BBX: variants seen among roughly 807,000 people sequenced by gnomAD.
BBX encodes the protein HMG box transcription factor BBX.
BBX carries 30 observed loss-of-function variants against 100.2 expected under a neutral mutation model. That is an observed-to-expected ratio of 0.30 (90% CI 0.22 to 0.41). The LOEUF (loss-of-function observed/expected upper bound fraction) is 0.41, where lower values mean the gene tolerates loss of function less well. Among genes scored for constraint, BBX ranks in the 10% least tolerant of loss-of-function variants. BBX has a pLI of 1.00. For synonymous variants in BBX, 376 were observed against 388.1 expected (o/e 0.97, Z 0.37); for missense variants, 1,023 against 1,129.8 (o/e 0.91, Z 1.35).
chr3:107,766,091 C>T (rs2066372900), intron 10 of BBX, among the ~76,000 whole-genome samples: 1 of 151,912 alleles, frequency 6.6e-6, no homozygotes, highest in South Asian at 2.1e-4. Flanking sequence ...ATACTTTTGA[C>T]GTAAGGAAGA....
chr3:107,791,299 G>C lies in BBX; in HGVS notation c.2353G>C (p.Ala785Pro), dbSNP rs763206118. 8.1e-6 allele frequency: 13 copies of C among 1,610,984 alleles called. No individual in the cohort carries two copies. Among genetic ancestry groups the C allele is most frequent in the Non-Finnish European group, 1.0e-5 (12 of 1,177,698 alleles). ...CTTGGATGCCATTCACCCTACAGAAGGTAAGACAAGCAATGTTATTTAATT... is the reference window on the plus strand; with the variant it reads ...CTTGGATGCCATTCACCCTACAGAACGTAAGACAAGCAATGTTATTTAATT... Reference protein sequence around the residue: ...LFLDAIHPTEAIFSEDRNTME... With the variant: ...LFLDAIHPTEPIFSEDRNTME... The change falls in exon 15 of 18, where the codon GCC (alanine) becomes CCC (proline). Residue 785 changes from alanine to proline, a missense_variant and splice_region_variant. Physicochemically the swap from Ala to Pro is conservative, Grantham distance 27 (BLOSUM62 -1). This residue lies in a region of BBX where 215 missense variants were observed against 211.3 expected (regional missense o/e 1.02). Coordinates refer to ENST00000325805, the MANE Select transcript of BBX (RefSeq NM_001142568.3).
intron 7 of BBX, among the ~76,000 whole-genome samples, chr3:107,744,388 C>G (rs1353125725): frequency 6.6e-6 from 1 of 152,026 alleles, no homozygotes; most frequent in Non-Finnish European, 1.5e-5. Flanking sequence ...TCTAAGCTTC[C>G]TATGACTTTT....
chr3:107,697,674 G>A (rs1380087337), intron 3 of BBX, among the ~76,000 whole-genome samples: 1 of 151,880 alleles, frequency 6.6e-6, no homozygotes, highest in Non-Finnish European at 1.5e-5. Context: ...TGCCCCCAGA[G>A]GTGGAGCCTA....
At chr3:107,633,097 G>A (rs1346011201) in intron 2 of BBX, among the ~76,000 whole-genome samples, 1 of 152,008 alleles carries the variant, frequency 6.6e-6, no homozygotes, top group East Asian at 1.9e-4. Context: ...GCTATTGTTA[G>A]CTCTGTTCTT....
intron 2 of BBX, among the ~76,000 whole-genome samples, chr3:107,613,129 T>A (rs1269406157): frequency 6.6e-6 from 1 of 151,534 alleles, no homozygotes; most frequent in African/African-American, 2.4e-5. Flanking sequence ...CAAGCCTGGG[T>A]CTTAGTCTGT....
intron 2 of BBX, among the ~76,000 whole-genome samples, chr3:107,566,556 GT>G (rs34151023): frequency 0.26 from 34,611 of 130,778 alleles, 4,695 homozygotes; most frequent in South Asian, 0.4. Context: ...TACCTTTTTT[GT>G]TTTTTTTTTT....
At chr3:107,634,146 AG>A (rs2056718608) in intron 2 of BBX, among the ~76,000 whole-genome samples, 7 of 152,220 alleles carry the variant, frequency 4.6e-5, no homozygotes, top group Admixed American at 4.6e-4. Flanking sequence ...GATACCTTTC[AG>A]TTATATAAAC....
At chr3:107,679,141 T>TAAA (rs35708083) in intron 3 of BBX, among the ~76,000 whole-genome samples, 5 of 143,926 alleles carry the variant, frequency 3.5e-5, no homozygotes, top group African/African-American at 1.3e-4. Flanking sequence ...AGGGCTTCAT[T>TAAA]AAAAAAAAAA....
intron 2 of BBX, among the ~76,000 whole-genome samples, chr3:107,616,044 C>CTGT (rs1180720999): frequency 1.2e-4 from 3 of 25,928 alleles, no homozygotes; most frequent in African/African-American, 3.3e-4. Flanking sequence ...TTTTTTTTTG[C>CTGT]TGTTGTTGTT....
rs143153808 is a variant in BBX, at chr3:107,801,246, G to T, written c.2703G>T (p.Ala901=). The change falls in exon 17 of 18, where the codon GCG becomes GCT. Residue 901 remains alanine (A), a synonymous_variant. Transcript: ENST00000325805. ...PAVSAFFSLA[A]LAEVAAMENV... ...TGTCTGCGTTCTTTAGCCTCGCTGCGCTGGCTGAAGTGGCAGCCATGGAAA... is the reference window on the plus strand; with the variant it reads ...TGTCTGCGTTCTTTAGCCTCGCTGCTCTGGCTGAAGTGGCAGCCATGGAAA... 5 of 1,614,144 alleles carry T rather than the reference G, an allele frequency of 3.1e-6. No homozygotes were observed. The highest frequency in any genetic ancestry group is 4.2e-6 in the Non-Finnish European group (5 of 1,180,020).
chr3:107,798,769 C>T (rs753981336), intron 16 of BBX, 49 bp downstream of exon 16: 3 of 1,515,416 alleles, frequency 2.0e-6, no homozygotes. Context: ...TTTAGCTTCC[C>T]TGGGCCACAC....
chr3:107,705,682 C>T (rs1378933304), intron 3 of BBX, among the ~76,000 whole-genome samples: 1 of 152,178 alleles, frequency 6.6e-6, no homozygotes, highest in Non-Finnish European at 1.5e-5. Context: ...TCCCATGCTT[C>T]CCAGTCTAAA....
chr3:107,691,644 A>C (rs2060175952), intron 3 of BBX, among the ~76,000 whole-genome samples: 1 of 152,230 alleles, frequency 6.6e-6, no homozygotes, highest in Admixed American at 6.5e-5. Flanking sequence ...ATGCATTCTA[A>C]TTAATTTCCT....
chr3:107,537,553 A>G (rs2048584758), intron 2 of BBX, among the ~76,000 whole-genome samples: 1 of 152,246 alleles, frequency 6.6e-6, no homozygotes, highest in Admixed American at 6.5e-5. Flanking sequence ...CAAAGCTTCC[A>G]TCAGGCAGTT....
chr3:107,755,263 C>A (rs1490062695), intron 9 of BBX, among the ~76,000 whole-genome samples: 1 of 152,088 alleles, frequency 6.6e-6, no homozygotes, highest in Non-Finnish European at 1.5e-5. Flanking sequence ...AACTCTAAAT[C>A]TCTTTTATAT....
At chr3:107,536,896 A>C (rs1324581805) in intron 2 of BBX, among the ~76,000 whole-genome samples, 1 of 152,334 alleles carries the variant, frequency 6.6e-6, no homozygotes, top group East Asian at 1.9e-4. Context: ...TAATTGTTTT[A>C]ATAGATATGG....
intron 2 of BBX, among the ~76,000 whole-genome samples, chr3:107,636,760 A>G (rs2056874272): frequency 6.6e-6 from 1 of 152,204 alleles, no homozygotes; most frequent in Admixed American, 6.5e-5. Flanking sequence ...CTTAATCTAA[A>G]CTAAATGTTT....
intron 2 of BBX, among the ~76,000 whole-genome samples, chr3:107,601,697 TAAC>T (rs1297847703): frequency 6.6e-6 from 1 of 152,226 alleles, no homozygotes; most frequent in East Asian, 1.9e-4. Context: ...GCTGTCTCTA[TAAC>T]ATAAAAGTGC....
intron 3 of BBX, among the ~76,000 whole-genome samples, chr3:107,687,603 T>G (rs1246171147): frequency 6.6e-6 from 1 of 152,184 alleles, no homozygotes; most frequent in Non-Finnish European, 1.5e-5. Flanking sequence ...CAGTTGCTAA[T>G]TTTGTCTTGA....
Sources: gnomAD v4.1 joint callset for allele counts (sites outside exome capture counted in the v4.1 genomes callset) on GRCh38, gnomAD v4.1.1 for gene constraint, gnomAD v4.1.1 regional missense constraint, MANE v1.5 for transcripts, NCBI Gene and HGNC (gene_info 2026-07-23, HGNC 2026-07-21) for gene names.